Variants in RBP7 observed in about 807,000 individuals in gnomAD.
RBP7 encodes retinol binding protein 7.
In RBP7, 13 loss-of-function variants were observed where a neutral mutation model predicts 16.7. That is an observed-to-expected ratio of 0.78 (90% CI 0.51 to 1.24). The LOEUF (loss-of-function observed/expected upper bound fraction) is 1.24. RBP7 is among the 50% of genes most tolerant of loss of function. RBP7 has a pLI of 0.00. For synonymous variants in RBP7, 54 were observed against 56.2 expected, an observed-to-expected ratio of 0.96 and a Z score of 0.17; for missense variants, 145 against 159.5, an observed-to-expected ratio of 0.91 and a Z score of 0.49.
intron 1 of RBP7, chr1:10,004,239 A>G (rs1185064706): frequency 6.8e-6 from 1 of 147,614 alleles, no homozygotes; most frequent in Non-Finnish European, 1.5e-5. Context: ...CGCCCAGCTA[A>G]TTTTGTATTT....
chr1:10,011,480 T>C (rs962842637), intron 3 of RBP7, among the ~76,000 whole-genome samples: 11 of 152,218 alleles, frequency 7.2e-5, no homozygotes, highest in Admixed American at 2.0e-4. Flanking sequence ...CACAATCACA[T>C]TCCTTTAAGA....
chr1:10,006,387 G>A (rs1215779083), intron 1 of RBP7, among the ~76,000 whole-genome samples: 1 of 152,072 alleles, frequency 6.6e-6, no homozygotes, highest in East Asian at 1.9e-4. Flanking sequence ...GCATGTGCCT[G>A]TAGTCCCAGC....
At chr1:10,000,491 G>A (rs557984346) in intron 1 of RBP7, among the ~76,000 whole-genome samples, 2 of 151,646 alleles carry the variant, frequency 1.3e-5, no homozygotes, top group Non-Finnish European at 2.9e-5. Flanking sequence ...CCCAGATCAC[G>A]ACACTGCACT....
intron 3 of RBP7, among the ~76,000 whole-genome samples, chr1:10,014,537 C>A (rs1642723004): frequency 6.6e-6 from 1 of 151,936 alleles, no homozygotes; most frequent in Non-Finnish European, 1.5e-5. Context: ...CAGGCATGCA[C>A]CACCACACCC....
At chr1:10,001,487 T>G (rs1180762587) in intron 1 of RBP7, among the ~76,000 whole-genome samples, 1 of 152,068 alleles carries the variant, frequency 6.6e-6, no homozygotes, top group Non-Finnish European at 1.5e-5. Flanking sequence ...TCAATTTTTT[T>G]GTAGAGACGG....
At chr1:10,008,896 T>C (rs1168083196) in intron 3 of RBP7, among the ~76,000 whole-genome samples, 1 of 152,208 alleles carries the variant, frequency 6.6e-6, no homozygotes, top group Non-Finnish European at 1.5e-5. Context: ...TTATATGTAA[T>C]AGCTACTTTA....
chr1:10,007,816 G>A (rs751782363), intron 2 of RBP7, 68 bp downstream of exon 2: 21 of 1,425,138 alleles, frequency 1.5e-5, no homozygotes, highest in African/African-American at 2.9e-5. Context: ...GGAGGCCAAC[G>A]CAGGCGGACC....
At chr1:10,010,784 A>C (rs1022550169) in intron 3 of RBP7, among the ~76,000 whole-genome samples, 3 of 145,902 alleles carry the variant, frequency 2.1e-5, no homozygotes, top group Non-Finnish European at 3.0e-5. Flanking sequence ...GGGTTTCTCC[A>C]TGTTGGTCAG....
intron 3 of RBP7, among the ~76,000 whole-genome samples, chr1:10,014,880 G>A (rs1642736294): frequency 6.6e-6 from 1 of 152,140 alleles, no homozygotes; most frequent in Non-Finnish European, 1.5e-5. Flanking sequence ...GGGGAGTCTC[G>A]TGAGACTGCA....
rs1642758872 is a variant in RBP7 at position 10,015,780 on chromosome 1, A to C, written c.355-2A>C. ...CTTTTTCCCTTCCTCCTTACGCCCTAGGAAATGTTCTGTGAAGGTCAAGTG... is the reference window on the plus strand; with the variant it reads ...CTTTTTCCCTTCCTCCTTACGCCCTCGGAAATGTTCTGTGAAGGTCAAGTG... On this transcript the variant is annotated splice_acceptor_variant, in intron 3 of 3. Transcript: ENST00000294435. LOFTEE classifies it high-confidence loss of function. The C allele has an allele frequency of 1.2e-6, 2 of 1,613,830 alleles. No individual in the cohort carries two copies. The highest frequency in any genetic ancestry group is 1.7e-6 in the Non-Finnish European group (2 of 1,179,802).
At chr1:10,006,978 G>T (rs533729516) in intron 1 of RBP7, 5 of 432,812 alleles carry the variant, frequency 1.2e-5, no homozygotes, top group African/African-American at 2.1e-5. Flanking sequence ...ATGGAGTCTC[G>T]CTCTGTTGCT....
intron 3 of RBP7, among the ~76,000 whole-genome samples, chr1:10,014,902 T>C (rs981557863): frequency 1.3e-5 from 2 of 152,142 alleles, no homozygotes; most frequent in Non-Finnish European, 2.9e-5. Context: ...CCTTAACCTA[T>C]GCAGTCTGTG....
intron 3 of RBP7, among the ~76,000 whole-genome samples, chr1:10,011,277 C>A (rs1394225896): frequency 1.3e-5 from 2 of 151,690 alleles, no homozygotes; most frequent in Non-Finnish European, 2.9e-5. Context: ...GGTTCACCTG[C>A]TTTGGGAAAA....
intron 1 of RBP7, 40 bp from the exon 2 acceptor site, chr1:10,007,530 T>G: frequency 7.1e-7 from 1 of 1,417,252 alleles, no homozygotes; most frequent in Non-Finnish European, 9.6e-7. Context: ...CTTTTGTATC[T>G]CAAGCGAATG....
chr1:9,999,318 G>A (rs528824186), intron 1 of RBP7, among the ~76,000 whole-genome samples: 41 of 151,898 alleles, frequency 2.7e-4, no homozygotes, highest in African/African-American at 9.4e-4. Context: ...AGGCTGAGGC[G>A]GGTGGATCAA....
intron 2 of RBP7, 66 bp from the exon 3 acceptor site, chr1:10,008,107 A>T (rs1016217586): frequency 1.9e-6 from 2 of 1,070,076 alleles, no homozygotes; most frequent in Non-Finnish European, 2.9e-6. Context: ...GTAACTTGGC[A>T]TTCTACTTCG....
chr1:10,008,382 G>A (rs1490158779), intron 3 of RBP7, 108 bp downstream of exon 3: 1 of 660,906 alleles, frequency 1.5e-6, no homozygotes, highest in Non-Finnish European at 2.7e-6. Flanking sequence ...AGGCCGAGGT[G>A]GGTGTATCAC....
intron 1 of RBP7, among the ~76,000 whole-genome samples, chr1:9,999,230 G>C (rs984324514): frequency 1.3e-5 from 2 of 152,066 alleles, no homozygotes; most frequent in Non-Finnish European, 2.9e-5. Context: ...AACTGCGGCA[G>C]TTAAACCTCT....
intron 1 of RBP7, among the ~76,000 whole-genome samples, chr1:10,006,618 C>T (rs561058133): frequency 2.6e-5 from 4 of 151,054 alleles, no homozygotes; most frequent in Admixed American, 6.6e-5. Flanking sequence ...TGCTTGAACC[C>T]GGGAGTGGAG....
Sources: gnomAD v4.1 joint callset for allele counts (sites outside exome capture counted in the v4.1 genomes callset) on GRCh38, gnomAD v4.1.1 for gene constraint, MANE v1.5 for transcripts, NCBI Gene and HGNC (gene_info 2026-07-23, HGNC 2026-07-21) for gene names.